SUFU: variants seen among roughly 807,000 people sequenced by gnomAD.
The protein encoded by SUFU is suppressor of fused homolog.
Under a neutral mutation model 58.9 loss-of-function variants are expected in SUFU, and 7 were observed. The ratio of observed to expected loss-of-function variants is 0.12; its 90% CI spans 0.07 to 0.22. The LOEUF (loss-of-function observed/expected upper bound fraction) is 0.22, where lower values mean the gene tolerates loss of function less well. Among genes scored for constraint, SUFU ranks in the 10% least tolerant of loss-of-function variants. The probability of loss-of-function intolerance (pLI) is 1.00; values close to 1 mark genes in which losing one functional copy is unlikely to be tolerated. For synonymous variants in SUFU, 232 were observed against 254.8 expected, an observed-to-expected ratio of 0.91 and a Z score of 0.85; for missense variants, 451 against 641.3, an observed-to-expected ratio of 0.70 and a Z score of 3.20.
chr10:102,552,841 G>A (rs1220887706), intron 3 of SUFU, among the ~76,000 whole-genome samples: 1 of 152,198 alleles, frequency 6.6e-6, no homozygotes, highest in Non-Finnish European at 1.5e-5. Context: ...CAAATGAGGC[G>A]AAATGTTAAC....
At chr10:102,590,322 C>T (rs773704598) in intron 3 of SUFU, among the ~76,000 whole-genome samples, 19 of 151,796 alleles carry the variant, frequency 1.3e-4, no homozygotes, top group African/African-American at 4.1e-4. Context: ...CCTTCTACCA[C>T]GCCCTGCTAA....
intron 2 of SUFU, among the ~76,000 whole-genome samples, chr10:102,511,465 A>G (rs2062400335): frequency 1.3e-5 from 2 of 152,078 alleles, no homozygotes; most frequent in South Asian, 2.1e-4. Context: ...TTGCATAGCG[A>G]CCAATTCTGG....
At chr10:102,505,418 G>A (rs1341196703) in intron 1 of SUFU, among the ~76,000 whole-genome samples, 2 of 152,228 alleles carry the variant, frequency 1.3e-5, no homozygotes, top group Non-Finnish European at 2.9e-5. Context: ...TGCAGGCATT[G>A]TGTAAGATGA....
At chr10:102,523,062 GTT>G in intron 2 of SUFU, among the ~76,000 whole-genome samples, 1 of 152,282 alleles carries the variant, frequency 6.6e-6, no homozygotes, top group Admixed American at 6.5e-5. Context: ...CCAGGCCTGA[GTT>G]TGAGGCTGAG....
chr10:102,601,727 G>A (rs754740803), intron 8 of SUFU, among the ~76,000 whole-genome samples: 3 of 152,198 alleles, frequency 2.0e-5, no homozygotes, highest in African/African-American at 4.8e-5. Flanking sequence ...ATCAGTGAGC[G>A]TGACGGTAAT....
Position 102,549,951 on chromosome 10 carries a change from T to A in SUFU, c.318-19T>A. The A allele has an allele frequency of 6.2e-7, 1 of 1,614,196 alleles. No individual in the cohort carries two copies. The highest frequency in any genetic ancestry group is 8.5e-7 in the Non-Finnish European group (1 of 1,180,018). On this transcript the variant is annotated intron_variant, in intron 2 of 11. Coordinates refer to ENST00000369902, the MANE Select transcript of SUFU (RefSeq NM_016169.4). ...CTAAGGTAATTGAGCTTAAAACACT[T>A]GCTTTTTATGTCTTTCAGGTTTACA...
chr10:102,556,143 G>A (rs2062973788), intron 3 of SUFU, among the ~76,000 whole-genome samples: 1 of 152,196 alleles, frequency 6.6e-6, no homozygotes, highest in South Asian at 2.1e-4. Flanking sequence ...GAATGAAAGG[G>A]GAACGATGAG....
intron 3 of SUFU, among the ~76,000 whole-genome samples, chr10:102,560,989 A>G (rs1590030568): frequency 6.6e-6 from 1 of 151,838 alleles, no homozygotes; most frequent in Non-Finnish European, 1.5e-5. Context: ...GATTATAGGC[A>G]TGTGCCACCA....
intron 3 of SUFU, among the ~76,000 whole-genome samples, chr10:102,570,803 A>G (rs943636307): frequency 1.3e-5 from 2 of 152,080 alleles, no homozygotes; most frequent in African/African-American, 4.8e-5. Flanking sequence ...TGCTCTTCCT[A>G]TGTGGGTGGA....
rs758576759 is a variant in SUFU at position 102,599,558 on chromosome 10, T to C, written c.1022+14T>C. 1.2e-6 allele frequency: 2 copies of C among 1,610,258 alleles called. No individual in the cohort carries two copies. Among genetic ancestry groups the C allele is most frequent in the Admixed American group, 3.3e-5 (2 of 59,998 alleles). On this transcript the variant is annotated intron_variant, in intron 8 of 11. Coordinates refer to ENST00000369902, the MANE Select transcript of SUFU (RefSeq NM_016169.4). ...CGACCGGGCCCCGTAAGTTCCCCAG[T>C]GTCCCTGGGCTGGAACAAGAGGACG...
At chr10:102,590,771 A>C (rs533482058) in intron 3 of SUFU, 1 of 152,328 alleles carries the variant, frequency 6.6e-6, no homozygotes, top group South Asian at 2.1e-4. Flanking sequence ...TTAATTACTT[A>C]TTCATTCCTT....
At chr10:102,524,094 CCTT>C (rs1274317069) in intron 2 of SUFU, among the ~76,000 whole-genome samples, 1 of 152,128 alleles carries the variant, frequency 6.6e-6, no homozygotes, top group African/African-American at 2.4e-5. Context: ...TCCCTGACCT[CCTT>C]ATTTAAAAAG....
At chr10:102,613,798 C>T (rs1469992035) in intron 8 of SUFU, among the ~76,000 whole-genome samples, 1 of 152,212 alleles carries the variant, frequency 6.6e-6, no homozygotes, top group Non-Finnish European at 1.5e-5. Flanking sequence ...AAGAGCAAAT[C>T]TTAGAATGCA....
intron 3 of SUFU, among the ~76,000 whole-genome samples, chr10:102,588,773 GT>G (rs2063363052): frequency 6.6e-6 from 1 of 152,138 alleles, no homozygotes; most frequent in African/African-American, 2.4e-5. Context: ...TTCCGTTTAT[GT>G]AGGTCTTCTC....
intron 8 of SUFU, among the ~76,000 whole-genome samples, chr10:102,611,286 A>G (rs1308393815): frequency 6.6e-6 from 1 of 152,250 alleles, no homozygotes; most frequent in Non-Finnish European, 1.5e-5. Context: ...GCTCTGGGCA[A>G]CTTGAAGAAC....
intron 7 of SUFU, among the ~76,000 whole-genome samples, chr10:102,598,981 G>A (rs958006604): frequency 1.3e-5 from 2 of 152,086 alleles, no homozygotes; most frequent in Admixed American, 1.3e-4. Flanking sequence ...AAGGAGTGGC[G>A]GGACCAGATG....
At chr10:102,534,998 C>A (rs901385998) in intron 2 of SUFU, among the ~76,000 whole-genome samples, 1 of 151,824 alleles carries the variant, frequency 6.6e-6, no homozygotes, top group Non-Finnish European at 1.5e-5. Context: ...CCCACCTCCA[C>A]CCCCTACCCC....
In SUFU at chr10:102,622,907, CTT is replaced by C. The variant is rs749139106; in HGVS notation, c.1297-4267_1297-4266del. Among the ~76,000 whole-genome samples, 16 of 147,036 alleles carry C rather than the reference CTT, an allele frequency of 1.1e-4. No individual in the cohort carries two copies. The East Asian group carries it at 1.8e-3, about 17-fold the overall frequency. ...TTGAGAGACTGAGGCAGGAGAATCACTTGAACCCAGGAGGCAGAGGTTGCGGT... is the reference window on the plus strand; with the variant it reads ...TTGAGAGACTGAGGCAGGAGAATCACGAACCCAGGAGGCAGAGGTTGCGGT... On this transcript the variant is annotated intron_variant, in intron 10 of 11. Transcript: ENST00000369902.
chr10:102,518,545 C>CTATCTATCTATCTATCTATCTATT (rs1316400044), intron 2 of SUFU, among the ~76,000 whole-genome samples: 2 of 151,648 alleles, frequency 1.3e-5, no homozygotes, highest in African/African-American at 4.9e-5. Context: ...ATCTATCTAT[C>CTATCTATCTATCTATCTATCTATT]TATTTATTTA....
Sources: allele counts gnomAD v4.1 joint callset (sites outside exome capture counted in the v4.1 genomes callset), GRCh38; gene constraint gnomAD v4.1.1; transcripts MANE v1.5; gene names NCBI Gene and HGNC (gene_info 2026-07-23, HGNC 2026-07-21).